EXOC6B: variants seen among roughly 807,000 people sequenced by gnomAD.
EXOC6B encodes the protein exocyst complex component 6B.
A neutral mutation model predicts 113.5 loss-of-function variants in EXOC6B; 54 were observed. That is an observed-to-expected ratio of 0.48 (90% CI 0.38 to 0.60). The LOEUF is 0.60. Ranked by LOEUF, EXOC6B falls within the 20% of genes least tolerant of loss-of-function variation. EXOC6B has a pLI of 0.00. For synonymous variants in EXOC6B, 357 were observed against 339.0 expected, an observed-to-expected ratio of 1.05 and a Z score of -0.58; for missense variants, 797 against 977.5, an observed-to-expected ratio of 0.82 and a Z score of 2.46.
chr2:72,390,786 A>G (rs11892029), intron 18 of EXOC6B, among the ~76,000 whole-genome samples: 2,171 of 151,210 alleles, frequency 0.014, 67 homozygotes, highest in African/African-American at 0.05. Flanking sequence ...GAACATCCCC[A>G]CCCCCATCTC....
chr2:72,795,020 G>A (rs538025890), intron 1 of EXOC6B, among the ~76,000 whole-genome samples: 6 of 152,348 alleles, frequency 3.9e-5, no homozygotes, highest in Non-Finnish European at 8.8e-5. Flanking sequence ...GGCTACATCA[G>A]TGGTTCTCAA....
chr2:72,253,836 C>T (rs1248659052), intron 20 of EXOC6B, among the ~76,000 whole-genome samples: 1 of 152,022 alleles, frequency 6.6e-6, no homozygotes, highest in African/African-American at 2.4e-5. Flanking sequence ...CACACATAAC[C>T]CTTGAACCTA....
chr2:72,670,037 T>C (rs968340982), intron 6 of EXOC6B, among the ~76,000 whole-genome samples: 1 of 152,226 alleles, frequency 6.6e-6, no homozygotes, highest in Non-Finnish European at 1.5e-5. Flanking sequence ...AGTTTTTTCA[T>C]AACTCTACAA....
intron 6 of EXOC6B, among the ~76,000 whole-genome samples, chr2:72,607,077 T>C (rs746536937): frequency 3.3e-5 from 5 of 152,144 alleles, no homozygotes; most frequent in Non-Finnish European, 5.9e-5. Context: ...CTCAGAACAG[T>C]ATTAATTAAG....
Position 72,574,060 on chromosome 2 carries a change from G to A in EXOC6B, c.846+1432C>T, listed in dbSNP as rs190940288. 1.6e-4 allele frequency among the ~76,000 whole-genome samples: 24 copies of A among 149,012 alleles called. No homozygotes were observed. The East Asian group carries it at 4.0e-3, about 25-fold the overall frequency. On this transcript the variant is annotated intron_variant, in intron 7 of 21. Coordinates refer to ENST00000272427, the MANE Select transcript of EXOC6B (RefSeq NM_015189.3). ...GAACCCAGGAGGCGGAGCTTGCAGT[G>A]AGCCGAGATCGCACCACTGCACTCC...
chr2:72,706,067 A>T (rs6754072), intron 6 of EXOC6B, among the ~76,000 whole-genome samples: 1,982 of 152,288 alleles, frequency 0.013, 38 homozygotes, highest in African/African-American at 0.04. Flanking sequence ...CTACATATTT[A>T]TTGTTCTAAC....
intron 8 of EXOC6B, among the ~76,000 whole-genome samples, chr2:72,556,389 G>A (rs1049426145): frequency 1.3e-5 from 2 of 152,106 alleles, no homozygotes; most frequent in Non-Finnish European, 2.9e-5. Context: ...AGCTTCTTCT[G>A]ACTTCTTTTT....
intron 18 of EXOC6B, among the ~76,000 whole-genome samples, chr2:72,453,172 C>A (rs909916940): frequency 5.3e-5 from 8 of 152,092 alleles, no homozygotes; most frequent in Admixed American, 2.6e-4. Flanking sequence ...AATGATTTAA[C>A]CTACCTATAC....
intron 18 of EXOC6B, among the ~76,000 whole-genome samples, chr2:72,388,648 A>G (rs770817307): frequency 3.3e-5 from 5 of 152,138 alleles, no homozygotes; most frequent in Non-Finnish European, 7.4e-5. Flanking sequence ...AATTACTGAA[A>G]AGACTTAAAA....
chr2:72,506,333 T>C (rs1700593611), intron 11 of EXOC6B, among the ~76,000 whole-genome samples: 1 of 152,140 alleles, frequency 6.6e-6, no homozygotes, highest in Admixed American at 6.5e-5. Flanking sequence ...TTTTTTCTTC[T>C]ACTTCTGGTT....
At chr2:72,308,381 C>A (rs973821635) in intron 20 of EXOC6B, among the ~76,000 whole-genome samples, 1 of 151,928 alleles carries the variant, frequency 6.6e-6, no homozygotes, top group Admixed American at 6.6e-5. Context: ...AAAACCTAAA[C>A]CAAGAGACCT....
chr2:72,741,026 C>T (rs1476933404), intron 2 of EXOC6B, among the ~76,000 whole-genome samples: 1 of 151,918 alleles, frequency 6.6e-6, no homozygotes, highest in East Asian at 1.9e-4. Context: ...ATGGCGTGAA[C>T]CCAGGAGGCG....
intron 11 of EXOC6B, among the ~76,000 whole-genome samples, chr2:72,512,057 T>C (rs1328286747): frequency 6.6e-6 from 1 of 152,092 alleles, no homozygotes; most frequent in Non-Finnish European, 1.5e-5. Context: ...AAATGATCAT[T>C]TAATTGGTCT....
chr2:72,357,447 T>G (rs1230656424), intron 19 of EXOC6B, among the ~76,000 whole-genome samples: 1 of 152,248 alleles, frequency 6.6e-6, no homozygotes, highest in Non-Finnish European at 1.5e-5. Flanking sequence ...ATCCCAGAAC[T>G]TTGAGAGGCA....
intron 20 of EXOC6B, among the ~76,000 whole-genome samples, chr2:72,184,662 T>G (rs1678306018): frequency 6.6e-6 from 1 of 152,204 alleles, no homozygotes; most frequent in African/African-American, 2.4e-5. Flanking sequence ...GGTTCAAGTA[T>G]CAGTTCTGTG....
intron 20 of EXOC6B, among the ~76,000 whole-genome samples, chr2:72,309,106 C>T (rs1687050585): frequency 1.3e-5 from 2 of 152,050 alleles, no homozygotes; most frequent in Non-Finnish European, 2.9e-5. Flanking sequence ...ATGTTGCTTT[C>T]TATACCAATC....
At chr2:72,484,199 G>A (rs1873829) in intron 16 of EXOC6B, among the ~76,000 whole-genome samples, 64 of 150,836 alleles carry the variant, frequency 4.2e-4, no homozygotes, top group African/African-American at 1.4e-3. Flanking sequence ...AGAACGTGCA[G>A]GTTTGTTACA....
At chr2:72,688,271 A>T (rs910651687) in intron 6 of EXOC6B, among the ~76,000 whole-genome samples, 1 of 152,192 alleles carries the variant, frequency 6.6e-6, no homozygotes, top group Admixed American at 6.5e-5. Context: ...TGAAACAAGG[A>T]TTTGAGTCCA....
At chr2:72,772,958 C>A (rs1683486648) in intron 1 of EXOC6B, among the ~76,000 whole-genome samples, 1 of 151,928 alleles carries the variant, frequency 6.6e-6, no homozygotes, top group South Asian at 2.1e-4. Flanking sequence ...GATCTACGAA[C>A]TGTCTGAAAA....
Sources: gnomAD v4.1 joint callset for allele counts (sites outside exome capture counted in the v4.1 genomes callset) on GRCh38, gnomAD v4.1.1 for gene constraint, MANE v1.5 for transcripts, NCBI Gene and HGNC (gene_info 2026-07-23, HGNC 2026-07-21) for gene names.